The following SCN10A variants were observed in gnomAD, a reference collection of about 807,000 sequenced individuals.
SCN10A encodes the protein sodium channel protein type 10 subunit alpha.
Under a neutral mutation model 170.7 loss-of-function variants are expected in SCN10A, and 162 were observed. The ratio of observed to expected loss-of-function variants is 0.95; its 90% CI spans 0.84 to 1.08. The LOEUF (loss-of-function observed/expected upper bound fraction) is 1.08. Ranked by LOEUF, SCN10A falls within the 50% of genes least tolerant of loss-of-function variation. The probability of loss-of-function intolerance (pLI) is 0.00; values close to 1 mark genes in which losing one functional copy is unlikely to be tolerated. For synonymous variants in SCN10A, 985 were observed against 904.6 expected (o/e 1.09, Z -1.59); for missense variants, 2,527 against 2,436.9 (o/e 1.04, Z -0.78).
chr3:38,781,513 C>T (rs1039978562), intron 4 of SCN10A, among the ~76,000 whole-genome samples: 20 of 152,124 alleles, frequency 1.3e-4, no homozygotes, highest in African/African-American at 4.8e-4. Context: ...GAAGTTTTGC[C>T]TCATCCACCA....
chr3:38,765,283 C>T (rs2063919454), intron 5 of SCN10A, among the ~76,000 whole-genome samples: 1 of 152,128 alleles, frequency 6.6e-6, no homozygotes, highest in South Asian at 2.1e-4. Flanking sequence ...GAACGTTTTG[C>T]CTAAGCCAAT....
chr3:38,772,412 A>G (rs11929645), intron 4 of SCN10A, among the ~76,000 whole-genome samples: 3,330 of 152,186 alleles, frequency 0.022, 116 homozygotes, highest in African/African-American at 0.075. Flanking sequence ...TGTATTGGCC[A>G]GGCGCTGTGG....
At chr3:38,797,561 A>C (rs2064347732) in intron 1 of SCN10A, among the ~76,000 whole-genome samples, 1 of 152,256 alleles carries the variant, frequency 6.6e-6, no homozygotes, top group Non-Finnish European at 1.5e-5. Flanking sequence ...AATTCTGATT[A>C]ACATGGTGTA....
chr3:38,722,101 G>A (rs1352235180), intron 20 of SCN10A, among the ~76,000 whole-genome samples, 157 bp downstream of exon 20: 2 of 152,254 alleles, frequency 1.3e-5, no homozygotes, highest in African/African-American at 4.8e-5. Context: ...CTGCTAAGAG[G>A]GGCCCTCGCC....
At chr3:38,708,160 A>G (rs1401849835) in intron 25 of SCN10A, among the ~76,000 whole-genome samples, 1 of 152,144 alleles carries the variant, frequency 6.6e-6, no homozygotes, top group Non-Finnish European at 1.5e-5. Flanking sequence ...AGGAGATCTG[A>G]GAAGATCTGT....
chr3:38,713,726 C>T (rs1433878598), intron 22 of SCN10A, among the ~76,000 whole-genome samples: 3 of 152,168 alleles, frequency 2.0e-5, no homozygotes, highest in East Asian at 1.9e-4. Context: ...GAGTCTCGCT[C>T]TGTCACCCAG....
intron 1 of SCN10A, among the ~76,000 whole-genome samples, chr3:38,800,415 C>T (rs2064364195): frequency 1.3e-5 from 2 of 152,152 alleles, no homozygotes; most frequent in African/African-American, 2.4e-5. Flanking sequence ...CTGAAGCTTC[C>T]AAAGGTGTTG....
At chr3:38,788,626 G>GC (rs71301300) in intron 4 of SCN10A, among the ~76,000 whole-genome samples, 6 of 150,000 alleles carry the variant, frequency 4.0e-5, no homozygotes, top group Non-Finnish European at 8.9e-5. Context: ...GTGTTGGGGG[G>GC]GGGTGGGGGC....
chr3:38,698,849 T>C (rs544151150), intron 27 of SCN10A, among the ~76,000 whole-genome samples: 7 of 152,332 alleles, frequency 4.6e-5, no homozygotes, highest in East Asian at 1.9e-4. Flanking sequence ...CAAAAACTTA[T>C]CTTCTGCAGC....
intron 10 of SCN10A, 60 bp from the exon 11 acceptor site, chr3:38,756,018 G>C: frequency 6.3e-7 from 1 of 1,582,138 alleles, no homozygotes; most frequent in Non-Finnish European, 8.7e-7. Context: ...GCATGAATGT[G>C]TCCCCCAGAC....
At chr3:38,784,929 T>C (rs370332130) in intron 4 of SCN10A, among the ~76,000 whole-genome samples, 2 of 151,928 alleles carry the variant, frequency 1.3e-5, no homozygotes, top group South Asian at 4.2e-4. Context: ...TTACAAGGGA[T>C]GTGAAGGACC....
chr3:38,729,005 C>T (rs1206663672), intron 15 of SCN10A, 104 bp from the exon 16 acceptor site: 18 of 1,444,180 alleles, frequency 1.2e-5, no homozygotes, highest in Admixed American at 2.3e-5. Context: ...CAAGGCCTCT[C>T]ATCCCATTAA....
chr3:38,704,829 T>G (rs1480902140), intron 26 of SCN10A, among the ~76,000 whole-genome samples: 1 of 152,182 alleles, frequency 6.6e-6, no homozygotes, highest in Non-Finnish European at 1.5e-5. Flanking sequence ...GTGTCAGTGC[T>G]TTGCTGGTAT....
At chr3:38,724,162 C>A (rs988309526) in intron 18 of SCN10A, among the ~76,000 whole-genome samples, 2 of 152,198 alleles carry the variant, frequency 1.3e-5, no homozygotes, top group Non-Finnish European at 2.9e-5. Flanking sequence ...GGGAACCAAG[C>A]GGCTTCTGTT....
chr3:38,745,540 G>A (rs1203699318), intron 13 of SCN10A, among the ~76,000 whole-genome samples: 2 of 152,064 alleles, frequency 1.3e-5, no homozygotes, highest in African/African-American at 4.8e-5. Flanking sequence ...ACTCCCTAGT[G>A]CCATCTTACT....
intron 20 of SCN10A, among the ~76,000 whole-genome samples, chr3:38,719,683 G>A (rs796089470): frequency 3.3e-5 from 5 of 152,176 alleles, no homozygotes; most frequent in South Asian, 2.1e-4. Flanking sequence ...GTGAGCCACC[G>A]CGCCCGGCCA....
At chr3:38,764,628 T>A (rs566717656) in intron 5 of SCN10A, among the ~76,000 whole-genome samples, 1 of 152,292 alleles carries the variant, frequency 6.6e-6, no homozygotes, top group Non-Finnish European at 1.5e-5. Context: ...TGATGGGCAT[T>A]TAGGCTGGTT....
chr3:38,795,658 C>T (rs1259716263), intron 1 of SCN10A, among the ~76,000 whole-genome samples: 2 of 151,746 alleles, frequency 1.3e-5, no homozygotes, highest in East Asian at 3.9e-4. Context: ...GTTTTCCTAA[C>T]TTTCTCTCTT....
At chr3:38,731,289 A>G (rs1213530883) in intron 15 of SCN10A, among the ~76,000 whole-genome samples, 2 of 152,226 alleles carry the variant, frequency 1.3e-5, no homozygotes. Context: ...AATTTCAGAT[A>G]AACAAAGAGG....
Sources: allele counts gnomAD v4.1 joint callset (sites outside exome capture counted in the v4.1 genomes callset), GRCh38; gene constraint gnomAD v4.1.1; transcripts MANE v1.5; gene names NCBI Gene and HGNC (gene_info 2026-07-23, HGNC 2026-07-21).